OPN3: variants seen among roughly 807,000 people sequenced by gnomAD.
OPN3 encodes the protein opsin 3.
Under a neutral mutation model 33.8 loss-of-function variants are expected in OPN3, and 29 were observed. The observed-to-expected ratio is 0.86, with a 90% confidence interval of 0.64 to 1.17. The LOEUF is 1.17. OPN3 is among the 50% of genes most tolerant of loss of function. OPN3 has a pLI of 0.00. For synonymous variants in OPN3, 216 were observed against 216.1 expected (o/e 1.00, Z 0.00); for missense variants, 437 against 514.1 (o/e 0.85, Z 1.45).
intron 1 of OPN3, among the ~76,000 whole-genome samples, chr1:241,623,326 T>C (rs1664317938): frequency 6.6e-6 from 1 of 152,206 alleles, no homozygotes; most frequent in Non-Finnish European, 1.5e-5. Context: ...CTGACTACTA[T>C]TGCCCTAATT....
At chr1:241,619,747 G>T (rs1664227505) in intron 1 of OPN3, among the ~76,000 whole-genome samples, 1 of 152,164 alleles carries the variant, frequency 6.6e-6, no homozygotes, top group South Asian at 2.1e-4. Flanking sequence ...TCACATTATG[G>T]AAAGCAGAAG....
At chr1:241,613,582 C>G (rs1454082614) in intron 1 of OPN3, among the ~76,000 whole-genome samples, 1 of 152,086 alleles carries the variant, frequency 6.6e-6, no homozygotes, top group Non-Finnish European at 1.5e-5. Context: ...TTTTTTTAAA[C>G]TCAATATTCT....
chr1:241,621,148 A>G (rs1307486384), intron 1 of OPN3, among the ~76,000 whole-genome samples: 3 of 152,130 alleles, frequency 2.0e-5, no homozygotes, highest in Non-Finnish European at 2.9e-5. Flanking sequence ...ATATAGAAAT[A>G]CCAGTCTTTG....
In OPN3 at chr1:241,594,299, C is replaced by A; in HGVS notation, c.*129G>T. ...GAGGCCCAAGAGCATATGGGCAATT[C>A]GGATTTCCTGCTGGACCACAAGGTT... On this transcript the variant is annotated 3_prime_UTR_variant, in exon 4 of 4. Coordinates refer to ENST00000366554, the MANE Select transcript of OPN3 (RefSeq NM_014322.3). 2 of 1,053,858 alleles carry A rather than the reference C, an allele frequency of 1.9e-6. No homozygotes were observed. The highest frequency in any genetic ancestry group is 2.7e-6 in the Non-Finnish European group (2 of 729,620). 65.3% of individuals were successfully genotyped at this position (1,053,858 alleles called of 1,614,324 possible).
Position 241,640,255 on chromosome 1 carries a change from G to A in OPN3, c.-1C>T, listed in dbSNP as rs1370406208. ...CGCCGCTGCGGTTCCCCGAGTACATGGCCCGGCGCCGGCGCGCCTGGCGGG... is the reference window on the plus strand; with the variant it reads ...CGCCGCTGCGGTTCCCCGAGTACATAGCCCGGCGCCGGCGCGCCTGGCGGG... On this transcript the variant is annotated 5_prime_UTR_variant, in exon 1 of 4. Transcript: ENST00000366554. 6.6e-6 allele frequency: 8 copies of A among 1,210,624 alleles called. No homozygotes were observed. In the East Asian group the frequency reaches 1.4e-4, roughly 21 times the overall value. 75.0% of individuals were successfully genotyped at this position (1,210,624 alleles called of 1,614,324 possible).
rs112169514 is a variant in OPN3, at chr1:241,635,756, T to C, written c.373+4126A>G. The C allele has an allele frequency of 5.9e-4, 949 of 1,608,292 alleles. 8 individuals are homozygous for C. In the East Asian group the frequency reaches 0.017, roughly 28 times the overall value. ...AACCACATCAAACTCTGTGGGAAGA[T>C]TGTCCGCCATTTTAGGAAGTAACAG... On this transcript the variant is annotated intron_variant, in intron 1 of 3. Transcript: ENST00000366554.
In OPN3 at chr1:241,593,995, T is replaced by C. The variant is rs1663414594; in HGVS notation, c.*433A>G. The C allele has an allele frequency of 6.1e-6, 1 of 163,820 alleles. No homozygotes were observed. The highest frequency in any genetic ancestry group is 1.3e-5 in the Non-Finnish European group (1 of 75,204). 10.1% of individuals were successfully genotyped at this position (163,820 alleles called of 1,614,324 possible). On this transcript the variant is annotated 3_prime_UTR_variant, in exon 4 of 4. Transcript: ENST00000366554. Reference sequence around the variant, plus strand: ...TGATAACTTGATCAGATATAGGACATGACACTGAATAGAGTCCAACAGTAC... The same window carrying C: ...TGATAACTTGATCAGATATAGGACACGACACTGAATAGAGTCCAACAGTAC...
intron 1 of OPN3, chr1:241,635,937 G>A: frequency 1.6e-6 from 1 of 618,158 alleles, no homozygotes; most frequent in Non-Finnish European, 2.8e-6. Flanking sequence ...TTATAAGTCA[G>A]TAGCATAAAA....
chr1:241,603,139 G>T (rs1663720430), intron 2 of OPN3, among the ~76,000 whole-genome samples: 1 of 152,160 alleles, frequency 6.6e-6, no homozygotes, highest in Admixed American at 6.5e-5. Flanking sequence ...GGGCATGGAA[G>T]GGGGTGGGGG....
At chr1:241,627,683 T>C (rs188698368) in intron 1 of OPN3, among the ~76,000 whole-genome samples, 1 of 152,182 alleles carries the variant, frequency 6.6e-6, no homozygotes, top group Non-Finnish European at 1.5e-5. Context: ...CTGTGCCCCC[T>C]GCTGTTGAAA....
At chr1:241,596,416 G>A (rs1663511417) in intron 3 of OPN3, among the ~76,000 whole-genome samples, 1 of 152,134 alleles carries the variant, frequency 6.6e-6, no homozygotes, top group African/African-American at 2.4e-5. Context: ...TGGGTTAAAG[G>A]AAATAGACCA....
At position 241,626,791 on chromosome 1, in the gene OPN3, T is replaced by A. The variant is rs1225779837; in HGVS notation, c.373+13091A>T. On this transcript the variant is annotated intron_variant, in intron 1 of 3. Coordinates refer to ENST00000366554, the MANE Select transcript of OPN3 (RefSeq NM_014322.3). ...ATGTCAGAGATGAATACGGAACAAG[T>A]AAGAGTCTCAAATGAGCAGCAATAG... is the stretch of plus-strand genomic sequence containing the variant. Among the ~76,000 whole-genome samples, 18 of 152,306 alleles carry A rather than the reference T, an allele frequency of 1.2e-4. No individual in the cohort carries two copies. The East Asian group carries it at 3.3e-3, about 28-fold the overall frequency.
chr1:241,599,752 T>C (rs138071505), intron 2 of OPN3, among the ~76,000 whole-genome samples: 379 of 152,276 alleles, frequency 2.5e-3, no homozygotes, highest in South Asian at 0.02. Context: ...CAGTGTGATA[T>C]TGAGCAAGTC....
rs758209578 is a variant in OPN3, at chr1:241,640,159, G to A, written c.96C>T (p.Pro32=). The change falls in exon 1 of 4, where the codon CCC becomes CCT. Residue 32 remains proline (P), a synonymous_variant. Coordinates refer to ENST00000366554, the MANE Select transcript of OPN3 (RefSeq NM_014322.3). ...AGGTGCCGGGGCTGAAGAGGGGCGC[G>A]GGGCTCAGTGTCCCCGCCGGCGCCG... is the stretch of plus-strand genomic sequence containing the variant. ...EGPAPAGTLS[P]APLFSPGTYE... 3 of 1,503,718 alleles carry A rather than the reference G, an allele frequency of 2.0e-6. No individual in the cohort carries two copies. The highest frequency in any genetic ancestry group is 2.7e-6 in the Non-Finnish European group (3 of 1,129,392). The allele number at this position is 1,503,718 out of a possible 1,614,324, so 93.1% of individuals were successfully genotyped here.
At chr1:241,599,902 A>G (rs1439781570) in intron 2 of OPN3, among the ~76,000 whole-genome samples, 1 of 152,202 alleles carries the variant, frequency 6.6e-6, no homozygotes, top group East Asian at 1.9e-4. Flanking sequence ...TATTTGAACT[A>G]GATATGAGAC....
chr1:241,628,052 C>G (rs1284291168), intron 1 of OPN3, among the ~76,000 whole-genome samples: 1 of 152,150 alleles, frequency 6.6e-6, no homozygotes, highest in African/African-American at 2.4e-5. Flanking sequence ...GAATGTCATC[C>G]GAAATAGACT....
Position 241,633,860 on chromosome 1 carries a change from G to C in OPN3, c.373+6022C>G, listed in dbSNP as rs760232961. 5 of 1,613,860 alleles carry C rather than the reference G, an allele frequency of 3.1e-6. No homozygotes were observed. The South Asian group carries it at 4.4e-5, about 14-fold the overall frequency. ...GCTTTCCTCAGAGGATTCTAGTTTGGCCATTACTACATTATTGGTTCCAGG... is the reference window on the plus strand; with the variant it reads ...GCTTTCCTCAGAGGATTCTAGTTTGCCCATTACTACATTATTGGTTCCAGG... On this transcript the variant is annotated intron_variant, in intron 1 of 3. Transcript: ENST00000366554.
At chr1:241,609,160 A>C (rs965849815) in intron 1 of OPN3, among the ~76,000 whole-genome samples, 24 of 152,212 alleles carry the variant, frequency 1.6e-4, no homozygotes, top group South Asian at 6.2e-4. Flanking sequence ...ACCAAATTCT[A>C]CTTCAAATGG....
Position 241,604,240 on chromosome 1 carries a change from A to G in OPN3, c.693+20T>C. On this transcript the variant is annotated intron_variant, in intron 2 of 3. Coordinates refer to ENST00000366554, the MANE Select transcript of OPN3 (RefSeq NM_014322.3). ...CCTGGATGTGGTTTGGGAGGGGGGC[A>G]TCTGTAGTCTTCAACTCACCATTCG... The G allele has an allele frequency of 6.2e-7, 1 of 1,603,738 alleles. No individual in the cohort carries two copies. Among genetic ancestry groups the G allele is most frequent in the Non-Finnish European group, 8.5e-7 (1 of 1,172,384 alleles).
Sources: allele counts gnomAD v4.1 joint callset (sites outside exome capture counted in the v4.1 genomes callset), GRCh38; gene constraint gnomAD v4.1.1; transcripts MANE v1.5; gene names NCBI Gene and HGNC (gene_info 2026-07-23, HGNC 2026-07-21).